DLG2: variants seen among roughly 807,000 people sequenced by gnomAD.
The protein encoded by DLG2 is disks large homolog 2.
A neutral mutation model predicts 132.5 loss-of-function variants in DLG2; 45 were observed. The observed-to-expected ratio is 0.34, with a 90% CI of 0.27 to 0.44. DLG2 has a LOEUF of 0.44. Among genes scored for constraint, DLG2 ranks in the 20% least tolerant of loss-of-function variants. The probability of loss-of-function intolerance (pLI) is 1.00; values close to 1 mark genes in which losing one functional copy is unlikely to be tolerated. For synonymous variants in DLG2, 424 were observed against 419.6 expected (o/e 1.01, Z -0.13); for missense variants, 1,045 against 1,196.9 (o/e 0.87, Z 1.87).
chr11:84,955,052 T>G (rs1158129616), intron 6 of DLG2, among the ~76,000 whole-genome samples: 3 of 152,142 alleles, frequency 2.0e-5, no homozygotes, highest in Admixed American at 2.0e-4. Context: ...ATGATACAAA[T>G]TACTGTGTTT....
At chr11:85,150,285 A>G (rs148268476) in intron 5 of DLG2, among the ~76,000 whole-genome samples, 5,181 of 151,896 alleles carry the variant, frequency 0.034, 108 homozygotes, top group African/African-American at 0.053. Flanking sequence ...CTCCCAAAGT[A>G]CTGGGATTAC....
At position 84,987,422 on chromosome 11, in the gene DLG2, A is replaced by T. The variant is rs186065484; in HGVS notation, c.357+124239T>A. The stretch of plus-strand genomic sequence containing the variant: ...CTCACAGAATTAGAAAAAAAAATTT[A>T]AAATTAATATGGAAGCAAAAAAGAG... On this transcript the variant is annotated intron_variant, in intron 6 of 27. Coordinates refer to ENST00000376104, the MANE Select transcript of DLG2 (RefSeq NM_001142699.3). Among the ~76,000 whole-genome samples the T allele has an allele frequency of 1.1e-3, 173 of 152,272 alleles. 3 individuals are homozygous for T. In the East Asian group the frequency reaches 0.018, roughly 16 times the overall value.
intron 7 of DLG2, among the ~76,000 whole-genome samples, chr11:84,473,682 C>T (rs1042068262): frequency 6.6e-6 from 1 of 151,874 alleles, no homozygotes; most frequent in African/African-American, 2.4e-5. Context: ...CTTTTGAAAA[C>T]ACTTTCAAAA....
chr11:85,018,408 C>A (rs956374043), intron 6 of DLG2, among the ~76,000 whole-genome samples: 1 of 152,074 alleles, frequency 6.6e-6, no homozygotes, highest in Non-Finnish European at 1.5e-5. Flanking sequence ...AATTAACTGT[C>A]TCTGTCTGAC....
In DLG2 at chr11:84,099,783, CTAAAGATATATATATAAG is replaced by C. The variant is rs536408881; in HGVS notation, c.625-754_625-737del. ...TACATATATATACATACATCGCTTTCTAAAGATATATATATAAGGATATATATATCTAAAGAGATATAT... is the reference window on the plus strand; with the variant it reads ...TACATATATATACATACATCGCTTTCGATATATATATCTAAAGAGATATAT... On this transcript the variant is annotated intron_variant, in intron 9 of 27. Coordinates refer to ENST00000376104, the MANE Select transcript of DLG2 (RefSeq NM_001142699.3). 3.0e-3 allele frequency among the ~76,000 whole-genome samples: 390 copies of C among 131,280 alleles called. 3 individuals are homozygous for C. Among genetic ancestry groups the C allele is most frequent in the African/African-American group, 9.6e-3 (328 of 34,096 alleles). 86.1% of individuals were successfully genotyped at this position (131,280 alleles called of 152,430 possible). A position where few individuals can be genotyped will look rare whatever the true frequency, so the allele number is the denominator to read the frequency against.
Position 83,456,680 on chromosome 11 carries a change from C to A in DLG2, c.*3138G>T, listed in dbSNP as rs556793432. The A allele has an allele frequency of 6.7e-6, 1 of 149,684 alleles. No individual in the cohort carries two copies. The highest frequency in any genetic ancestry group is 1.5e-5 in the Non-Finnish European group (1 of 67,650). 9.3% of individuals were successfully genotyped at this position (149,684 alleles called of 1,614,324 possible). ...AAAAAAAAAAAGAGATGGAATTAGT[C>A]GGAAGTAGAAGGAGGAGGAGAGTAA... On this transcript the variant is annotated 3_prime_UTR_variant, in exon 28 of 28. Coordinates refer to ENST00000376104, the MANE Select transcript of DLG2 (RefSeq NM_001142699.3).
intron 6 of DLG2, among the ~76,000 whole-genome samples, chr11:84,689,680 C>T (rs1452547722): frequency 1.3e-5 from 2 of 151,964 alleles, no homozygotes; most frequent in East Asian, 1.9e-4. Flanking sequence ...ATCAGTTATA[C>T]GTCATTTTGC....
intron 4 of DLG2, among the ~76,000 whole-genome samples, chr11:85,230,783 G>A (rs1470028895): frequency 6.6e-6 from 1 of 151,908 alleles, no homozygotes; most frequent in Non-Finnish European, 1.5e-5. Flanking sequence ...ATAGTATTAA[G>A]AGGTGAGGCC....
intron 6 of DLG2, among the ~76,000 whole-genome samples, chr11:84,790,858 T>A (rs2073735331): frequency 6.6e-6 from 1 of 152,234 alleles, no homozygotes. Flanking sequence ...TCCCCCAGTG[T>A]ATGTTCTTGG....
intron 6 of DLG2, among the ~76,000 whole-genome samples, chr11:84,663,831 C>T (rs908560088): frequency 5.3e-5 from 8 of 152,118 alleles, no homozygotes; most frequent in African/African-American, 9.7e-5. Context: ...CACTGGACGA[C>T]GATCTTTTAC....
intron 7 of DLG2, among the ~76,000 whole-genome samples, chr11:84,306,656 A>C (rs538203662): frequency 6.6e-6 from 1 of 152,168 alleles, no homozygotes; most frequent in Non-Finnish European, 1.5e-5. Context: ...GAACGCTAAA[A>C]ATTGTGCAGT....
chr11:84,686,600 T>G (rs967675708), intron 6 of DLG2, among the ~76,000 whole-genome samples: 6 of 151,802 alleles, frequency 4.0e-5, no homozygotes, highest in African/African-American at 1.5e-4. Context: ...TATTTCACCT[T>G]GTAACCAAAT....
chr11:85,573,305 C>T (rs759198620), intron 3 of DLG2, among the ~76,000 whole-genome samples: 12 of 152,168 alleles, frequency 7.9e-5, no homozygotes, highest in African/African-American at 1.4e-4. Flanking sequence ...CAAGCTACAA[C>T]GTTTATGGCA....
chr11:84,945,679 G>C (rs1246359717), intron 6 of DLG2, among the ~76,000 whole-genome samples: 2 of 152,100 alleles, frequency 1.3e-5, no homozygotes, highest in Non-Finnish European at 2.9e-5. Context: ...CCAGCCCAGG[G>C]CACGTCCAGA....
At chr11:85,255,219 G>A (rs2076607717) in intron 4 of DLG2, among the ~76,000 whole-genome samples, 1 of 151,946 alleles carries the variant, frequency 6.6e-6, no homozygotes, top group Admixed American at 6.6e-5. Flanking sequence ...TAATTAAAAG[G>A]ATTCCTATTT....
At chr11:85,498,815 G>A (rs896502147) in intron 3 of DLG2, among the ~76,000 whole-genome samples, 2 of 152,090 alleles carry the variant, frequency 1.3e-5, no homozygotes, top group South Asian at 2.1e-4. Flanking sequence ...CAACTACATG[G>A]AAACTGAACA....
chr11:84,151,633 G>C (rs905806985), intron 9 of DLG2, among the ~76,000 whole-genome samples: 1 of 152,134 alleles, frequency 6.6e-6, no homozygotes, highest in Non-Finnish European at 1.5e-5. Context: ...TAGGCGTAAT[G>C]TTAGATTGTT....
intron 16 of DLG2, among the ~76,000 whole-genome samples, chr11:83,847,547 A>G (rs1010547497): frequency 6.6e-6 from 1 of 152,206 alleles, no homozygotes; most frequent in African/African-American, 2.4e-5. Context: ...TATTGTAGAA[A>G]AAACTTTAGG....
intron 8 of DLG2, among the ~76,000 whole-genome samples, chr11:84,240,637 T>C (rs922153307): frequency 2.6e-5 from 4 of 152,144 alleles, no homozygotes; most frequent in Admixed American, 2.6e-4. Context: ...TGGCAGTTTA[T>C]TGAGATCTAA....
Sources: gnomAD v4.1 joint callset for allele counts (sites outside exome capture counted in the v4.1 genomes callset) on GRCh38, gnomAD v4.1.1 for gene constraint, MANE v1.5 for transcripts, NCBI Gene and HGNC (gene_info 2026-07-23, HGNC 2026-07-21) for gene names.